Variants in HS3ST4 observed in about 807,000 individuals in gnomAD.
HS3ST4 encodes heparan sulfate-glucosamine 3-sulfotransferase 4.
In HS3ST4, 17 loss-of-function variants were observed where a neutral mutation model predicts 29.2. The ratio of observed to expected loss-of-function variants is 0.58; its 90% CI spans 0.40 to 0.87. The LOEUF is 0.87. HS3ST4 is among the 40% of genes least tolerant of loss of function. The pLI, the probability that HS3ST4 is intolerant of heterozygous loss-of-function variation, is 0.00. For missense variants in HS3ST4, 627 were observed against 634.5 expected, an observed-to-expected ratio of 0.99 and a Z score of 0.13; for synonymous variants, 314 against 285.7, an observed-to-expected ratio of 1.10 and a Z score of -1.00.
Position 25,692,374 on chromosome 16 carries a change from G to C in HS3ST4, c.-44G>C, listed in dbSNP as rs1966257560. On this transcript the variant is annotated 5_prime_UTR_variant, in exon 1 of 2. Coordinates refer to ENST00000331351, the MANE Select transcript of HS3ST4 (RefSeq NM_006040.3). The stretch of plus-strand genomic sequence containing the variant: ...CTGAAACCATGTCCGGGCAGCGCCG[G>C]GGGCTGCCGCCGCCGCCGCCGCCGC... 7.2e-6 allele frequency: 3 copies of C among 417,122 alleles called. No homozygotes were observed. The highest frequency in any genetic ancestry group is 9.7e-6 in the Non-Finnish European group (3 of 309,472). The allele number at this position is 417,122 out of a possible 1,614,324, so 25.8% of individuals were successfully genotyped here.
chr16:25,984,612 C>G (rs1489846282), intron 1 of HS3ST4, among the ~76,000 whole-genome samples: 1 of 152,184 alleles, frequency 6.6e-6, no homozygotes, highest in Non-Finnish European at 1.5e-5. Flanking sequence ...CTACTTTTTA[C>G]TTCTAGGAGA....
At chr16:25,766,827 T>C (rs1244634101) in intron 1 of HS3ST4, among the ~76,000 whole-genome samples, 1 of 152,148 alleles carries the variant, frequency 6.6e-6, no homozygotes, top group East Asian at 1.9e-4. Flanking sequence ...CCTCAAGACA[T>C]CTCTGTGAAG....
chr16:25,760,442 G>A (rs1249484617), intron 1 of HS3ST4, among the ~76,000 whole-genome samples: 1 of 124,422 alleles, frequency 8.0e-6, no homozygotes, highest in Admixed American at 8.4e-5. Flanking sequence ...TTTTTTTGAT[G>A]GAATTTCACT....
chr16:25,887,918 C>T (rs987786729), intron 1 of HS3ST4, among the ~76,000 whole-genome samples: 6 of 151,970 alleles, frequency 3.9e-5, no homozygotes, highest in Non-Finnish European at 5.9e-5. Flanking sequence ...AGGATGGTCT[C>T]GATCTTCTGA....
At chr16:25,822,884 T>A (rs1967176040) in intron 1 of HS3ST4, among the ~76,000 whole-genome samples, 1 of 152,024 alleles carries the variant, frequency 6.6e-6, no homozygotes, top group Admixed American at 6.6e-5. Flanking sequence ...ACTACAGGCG[T>A]GCACCACCAC....
intron 1 of HS3ST4, among the ~76,000 whole-genome samples, chr16:26,066,042 A>G (rs935951306): frequency 2.6e-5 from 4 of 152,260 alleles, no homozygotes; most frequent in Non-Finnish European, 5.9e-5. Flanking sequence ...CATGAGATCC[A>G]TACAGCTGCC....
intron 1 of HS3ST4, among the ~76,000 whole-genome samples, chr16:26,124,319 GA>G (rs1383320685): frequency 1.4e-5 from 2 of 143,268 alleles, no homozygotes; most frequent in Admixed American, 7.2e-5. Context: ...AACAAACGAA[GA>G]GTTTTTTTCT....
chr16:25,863,890 A>T (rs1262795414), intron 1 of HS3ST4, among the ~76,000 whole-genome samples: 1 of 152,240 alleles, frequency 6.6e-6, no homozygotes, highest in South Asian at 2.1e-4. Context: ...GTTTAAACAA[A>T]AGAAATTAAT....
At chr16:25,820,491 T>C (rs1289539120) in intron 1 of HS3ST4, among the ~76,000 whole-genome samples, 1 of 152,202 alleles carries the variant, frequency 6.6e-6, no homozygotes, top group Non-Finnish European at 1.5e-5. Flanking sequence ...CCTCTTGGGC[T>C]CAAGAGATCC....
At chr16:25,996,652 G>A (rs1969161451) in intron 1 of HS3ST4, among the ~76,000 whole-genome samples, 1 of 152,064 alleles carries the variant, frequency 6.6e-6, no homozygotes, top group Non-Finnish European at 1.5e-5. Flanking sequence ...GATGTCCACT[G>A]TTTTATGGTA....
At position 25,986,663 on chromosome 16, in the gene HS3ST4, G is replaced by A. The variant is rs537146621; in HGVS notation, c.735-148949G>A. Among the ~76,000 whole-genome samples, 170 of 152,330 alleles carry A rather than the reference G, an allele frequency of 1.1e-3. 1 individual carries two copies. Among genetic ancestry groups the A allele is most frequent in the African/African-American group, 3.7e-3 (153 of 41,578 alleles). On this transcript the variant is annotated intron_variant, in intron 1 of 1. Transcript: ENST00000331351. ...AATAAAATTTAGTCCTCATTCAAAA[G>A]CAAATTAGCCGAGGCCATTTGGCAT...
chr16:25,768,696 T>G (rs1966836684), intron 1 of HS3ST4, among the ~76,000 whole-genome samples: 1 of 152,126 alleles, frequency 6.6e-6, no homozygotes, highest in Admixed American at 6.5e-5. Flanking sequence ...GTCACTGAGG[T>G]CCTCCCTGTC....
intron 1 of HS3ST4, among the ~76,000 whole-genome samples, chr16:26,058,898 T>C (rs536883909): frequency 6.6e-6 from 1 of 152,204 alleles, no homozygotes; most frequent in South Asian, 2.1e-4. Flanking sequence ...AATAAGTGAA[T>C]GTCAAGGAAG....
At chr16:26,131,192 C>G (rs1406382686) in intron 1 of HS3ST4, among the ~76,000 whole-genome samples, 1 of 152,204 alleles carries the variant, frequency 6.6e-6, no homozygotes, top group African/African-American at 2.4e-5. Flanking sequence ...CACCATTTCT[C>G]TCTTTCTCTC....
intron 1 of HS3ST4, among the ~76,000 whole-genome samples, chr16:26,014,500 C>T (rs949152226): frequency 2.6e-5 from 4 of 152,152 alleles, no homozygotes; most frequent in Non-Finnish European, 5.9e-5. Context: ...CTCTGACTCT[C>T]CATCCTCACA....
At chr16:26,076,202 A>T (rs1216682381) in intron 1 of HS3ST4, among the ~76,000 whole-genome samples, 4 of 152,216 alleles carry the variant, frequency 2.6e-5, no homozygotes, top group Non-Finnish European at 4.4e-5. Flanking sequence ...AACGTGAGAG[A>T]GAGGCATAAT....
intron 1 of HS3ST4, among the ~76,000 whole-genome samples, chr16:25,773,229 C>G (rs1328838095): frequency 6.6e-6 from 1 of 152,176 alleles, no homozygotes; most frequent in Non-Finnish European, 1.5e-5. Context: ...TCAAATGTCT[C>G]CGTTCAGTTC....
chr16:25,867,546 T>C (rs1418646640), intron 1 of HS3ST4, among the ~76,000 whole-genome samples: 2 of 152,130 alleles, frequency 1.3e-5, no homozygotes, highest in African/African-American at 4.8e-5. Context: ...GTATATCCTT[T>C]ATCTTAGCCT....
chr16:26,051,435 AT>A (rs35905925), intron 1 of HS3ST4, among the ~76,000 whole-genome samples: 4,646 of 149,358 alleles, frequency 0.031, 98 homozygotes, highest in Middle Eastern at 0.15. Context: ...GAAACTAATA[AT>A]TTTTTTTTTT....
Sources: gnomAD v4.1 joint callset for allele counts (sites outside exome capture counted in the v4.1 genomes callset) on GRCh38, gnomAD v4.1.1 for gene constraint, MANE v1.5 for transcripts, NCBI Gene and HGNC (gene_info 2026-07-23, HGNC 2026-07-21) for gene names.